Variants in CCDC63 observed in about 807,000 individuals in gnomAD.
CCDC63 encodes the protein coiled-coil domain-containing protein 63.
A neutral mutation model predicts 63.6 loss-of-function variants in CCDC63; 54 were observed. The ratio of observed to expected loss-of-function variants is 0.85; its 90% confidence interval spans 0.68 to 1.07. The LOEUF is 1.07. CCDC63 is among the 50% of genes least tolerant of loss of function. The pLI is 0.00. For missense variants in CCDC63, 637 were observed against 689.6 expected, an observed-to-expected ratio of 0.92 and a Z score of 0.86; for synonymous variants, 253 against 266.1, an observed-to-expected ratio of 0.95 and a Z score of 0.48.
At position 110,871,177 on chromosome 12, in the gene CCDC63, T is replaced by C. The variant is rs548258712; in HGVS notation, c.370-2665T>C. On this transcript the variant is annotated intron_variant, in intron 4 of 11. Transcript: ENST00000308208. ...TTTTTTTTGAGACAGAGTCTTGCTC[T>C]GTTGCCCAGGCTGGAGTGCAGTGGT... is the stretch of plus-strand genomic sequence containing the variant. Among the ~76,000 whole-genome samples the C allele has an allele frequency of 5.2e-3, 799 of 152,336 alleles. 6 individuals are homozygous for C. The highest frequency in any genetic ancestry group is 0.019 in the African/African-American group (773 of 41,568).
At chr12:110,846,225 C>T (rs1219498507), upstream of CCDC63, among the ~76,000 whole-genome samples, 3 of 152,202 alleles carry the variant, frequency 2.0e-5, no homozygotes, top group African/African-American at 4.8e-5. Context: ...GTGGAAATCA[C>T]ATGGAATCAA....
At chr12:110,875,441 G>A (rs7135295) in intron 5 of CCDC63, among the ~76,000 whole-genome samples, 10,425 of 151,994 alleles carry the variant, frequency 0.069, 414 homozygotes, top group East Asian at 0.15. Flanking sequence ...TTGTCTATAG[G>A]TATAATTTTT....
intron 4 of CCDC63, among the ~76,000 whole-genome samples, chr12:110,872,249 A>G (rs914107846): frequency 2.0e-5 from 3 of 152,170 alleles, no homozygotes; most frequent in African/African-American, 7.2e-5. Flanking sequence ...GACAATACAT[A>G]AATGAATGGG....
rs756155196 is a variant in CCDC63 at position 110,873,847 on chromosome 12, T to A, written c.375T>A (p.Leu125=). ...VLLAELDEKI[L]QMEKKIANQK... Reference sequence around the variant, plus strand: ...TCTCTCTCTCTCTTTTTCAGATTCTTCAGATGGAAAAAAAAATCGCAAACC... The same window carrying A: ...TCTCTCTCTCTCTTTTTCAGATTCTACAGATGGAAAAAAAAATCGCAAACC... The change falls in exon 5 of 12, where the codon CTT becomes CTA. Residue 125 remains leucine (L), a synonymous_variant. Coordinates refer to ENST00000308208, the MANE Select transcript of CCDC63 (RefSeq NM_152591.3). 1.2e-6 allele frequency: 2 copies of A among 1,612,742 alleles called. No homozygotes were observed. Among genetic ancestry groups the A allele is most frequent in the Non-Finnish European group, 1.7e-6 (2 of 1,179,726 alleles).
intron 4 of CCDC63, among the ~76,000 whole-genome samples, chr12:110,863,152 GGCGCTGCCTGT>G (rs2070883661): frequency 6.6e-6 from 1 of 152,140 alleles, no homozygotes; most frequent in Non-Finnish European, 1.5e-5. Context: ...TTGCACTGGG[GGCGCTGCCTGT>G]GCACGGAACA....
intron 5 of CCDC63, among the ~76,000 whole-genome samples, chr12:110,878,042 A>G (rs2071154108): frequency 6.6e-6 from 1 of 151,974 alleles, no homozygotes; most frequent in Non-Finnish European, 1.5e-5. Flanking sequence ...CATATAAATG[A>G]GATCATGCAA....
intron 4 of CCDC63, among the ~76,000 whole-genome samples, chr12:110,859,878 CA>C (rs2070830203): frequency 6.6e-6 from 1 of 152,006 alleles, no homozygotes; most frequent in Non-Finnish European, 1.5e-5. Context: ...TGGCCCACCT[CA>C]GGGCCTTTGC....
intron 10 of CCDC63, among the ~76,000 whole-genome samples, chr12:110,903,635 ATGAG>A (rs1391837303): frequency 1.3e-5 from 2 of 152,230 alleles, no homozygotes; most frequent in Non-Finnish European, 2.9e-5. Context: ...GAATGAATGA[ATGAG>A]TGAGTGAATG....
At chr12:110,874,214 C>T (rs1220297224) in intron 5 of CCDC63, among the ~76,000 whole-genome samples, 1 of 151,852 alleles carries the variant, frequency 6.6e-6, no homozygotes, top group Non-Finnish European at 1.5e-5. Context: ...TCTCTGCCTC[C>T]AAACTTCCTG....
chr12:110,884,342 C>G, intron 8 of CCDC63, 92 bp downstream of exon 8: 1 of 963,568 alleles, frequency 1.0e-6, no homozygotes, highest in Non-Finnish European at 1.6e-6. Context: ...GTGAGAGGCA[C>G]TACAGAAAGC....
chr12:110,848,040 T>C (rs990069425), intron 1 of CCDC63, among the ~76,000 whole-genome samples: 1 of 152,228 alleles, frequency 6.6e-6, no homozygotes, highest in South Asian at 2.1e-4. Flanking sequence ...GCTGCTGGGC[T>C]TCTCTGCACT....
chr12:110,856,979 AT>A (rs2070779967), intron 3 of CCDC63, among the ~76,000 whole-genome samples: 1 of 146,334 alleles, frequency 6.8e-6, no homozygotes, highest in East Asian at 2.0e-4. Flanking sequence ...TACTTTTAAT[AT>A]TTTCTGTAGA....
rs1265836112 is a variant in CCDC63 at position 110,873,833 on chromosome 12, C to T, written c.370-9C>T. 4 of 1,610,428 alleles carry T rather than the reference C, an allele frequency of 2.5e-6. No individual in the cohort carries two copies. The highest frequency in any genetic ancestry group is 3.4e-6 in the Non-Finnish European group (4 of 1,178,736). ...ACAGCTGGAATTTCTCTCTCTCTCT[C>T]TTTTTCAGATTCTTCAGATGGAAAA... On this transcript the variant is annotated splice_polypyrimidine_tract_variant and intron_variant, in intron 4 of 11. Coordinates refer to ENST00000308208, the MANE Select transcript of CCDC63 (RefSeq NM_152591.3).
At chr12:110,865,464 C>CAAAAAAAAAAAAAAAAAAAAA (rs10585238) in intron 4 of CCDC63, among the ~76,000 whole-genome samples, 32 of 102,246 alleles carry the variant, frequency 3.1e-4, no homozygotes, top group Non-Finnish European at 3.3e-4. Context: ...CAGCATATAC[C>CAAAAAAAAAAAAAAAAAAAAA]AAAAAAAAAA....
intron 10 of CCDC63, among the ~76,000 whole-genome samples, chr12:110,902,018 A>G (rs1006363969): frequency 6.6e-6 from 1 of 152,052 alleles, no homozygotes; most frequent in African/African-American, 2.4e-5. Flanking sequence ...TTTAATAGAG[A>G]TGGGGTTTCA....
At chr12:110,875,724 G>A (rs1004498160) in intron 5 of CCDC63, among the ~76,000 whole-genome samples, 2 of 152,060 alleles carry the variant, frequency 1.3e-5, no homozygotes, top group African/African-American at 4.8e-5. Context: ...ATTTCTGAGA[G>A]GTCTGTTTTT....
intron 4 of CCDC63, among the ~76,000 whole-genome samples, chr12:110,872,078 A>T (rs1350891916): frequency 2.0e-5 from 3 of 152,198 alleles, no homozygotes; most frequent in Non-Finnish European, 4.4e-5. Flanking sequence ...TACTAGAATG[A>T]TATTTATTTT....
rs375106705 is a variant in CCDC63, at chr12:110,858,843, G to A, written c.369+68G>A. The stretch of plus-strand genomic sequence containing the variant: ...AGGGGAGGAGTTGGGGTGCATATTC[G>A]TGATGCCTTAGGCCAGACCTGACAC... On this transcript the variant is annotated intron_variant, in intron 4 of 11. Transcript: ENST00000308208. The A allele has an allele frequency of 5.6e-5, 80 of 1,416,062 alleles. No individual in the cohort carries two copies. In the East Asian group the frequency reaches 1.7e-3, roughly 30 times the overall value. The allele number at this position is 1,416,062 out of a possible 1,614,324, so 87.7% of individuals were successfully genotyped here.
intron 8 of CCDC63, among the ~76,000 whole-genome samples, chr12:110,892,755 G>A (rs758919020): frequency 6.5e-4 from 99 of 151,896 alleles, no homozygotes; most frequent in Non-Finnish European, 1.1e-3. Context: ...GATCTAGGAG[G>A]TTGCAGTGAG....
Sources: gnomAD v4.1 joint callset for allele counts (sites outside exome capture counted in the v4.1 genomes callset) on GRCh38, gnomAD v4.1.1 for gene constraint, MANE v1.5 for transcripts, NCBI Gene and HGNC (gene_info 2026-07-23, HGNC 2026-07-21) for gene names.